C10orf67: variants seen among roughly 807,000 people sequenced by gnomAD.
C10orf67 encodes the protein uncharacterized protein C10orf67, mitochondrial.
A neutral mutation model predicts 35.6 loss-of-function variants in C10orf67; 60 were observed. The observed-to-expected ratio is 1.68, with a 90% CI of 1.37 to 2.09. The LOEUF (loss-of-function observed/expected upper bound fraction) is 2.09. Among genes scored for constraint, C10orf67 ranks in the 30% most tolerant of loss-of-function variants. C10orf67 has a pLI of 0.00. For missense variants in C10orf67, 474 were observed against 330.2 expected, an observed-to-expected ratio of 1.44 and a Z score of -3.38; for synonymous variants, 167 against 115.8, an observed-to-expected ratio of 1.44 and a Z score of -2.84.
rs1389804559 is a variant in C10orf67 at position 23,287,463 on chromosome 10, A to G, written c.909+2437T>C. On this transcript the variant is annotated intron_variant, in intron 7 of 15. Transcript: ENST00000636213. ...ACTGGACCCTTTCCTTACACCTTAT[A>G]CAAAAATTAACTCAAGATGAATTAA... Among the ~76,000 whole-genome samples the G allele has an allele frequency of 2.0e-5, 3 of 152,240 alleles. No homozygotes were observed. The East Asian group carries it at 5.8e-4, about 29-fold the overall frequency.
chr10:23,282,967 G>A (rs560522828), intron 7 of C10orf67, among the ~76,000 whole-genome samples: 127 of 151,890 alleles, frequency 8.4e-4, no homozygotes, highest in African/African-American at 3.0e-3. Flanking sequence ...AAAAAAAAAC[G>A]GCTAGGAAGA....
chr10:23,235,841 G>A (rs1432789543), intron 13 of C10orf67, among the ~76,000 whole-genome samples: 1 of 152,126 alleles, frequency 6.6e-6, no homozygotes, highest in East Asian at 1.9e-4. Context: ...TATTGGGTGG[G>A]CACTGTGGCT....
chr10:23,344,485 C>G (rs540034338), intron 1 of C10orf67, 84 bp downstream of exon 1: 1 of 1,277,248 alleles, frequency 7.8e-7, no homozygotes, highest in East Asian at 2.5e-5. Flanking sequence ...AAAGCTGCAC[C>G]CCCGTAAATA....
chr10:23,230,374 A>G (rs954575088), intron 13 of C10orf67, among the ~76,000 whole-genome samples: 1 of 152,190 alleles, frequency 6.6e-6, no homozygotes, highest in Admixed American at 6.5e-5. Context: ...ACCATAGAGA[A>G]TAATACATTT....
At chr10:23,272,937 T>A (rs972659956) in intron 8 of C10orf67, among the ~76,000 whole-genome samples, 4 of 152,248 alleles carry the variant, frequency 2.6e-5, no homozygotes, top group African/African-American at 9.6e-5. Flanking sequence ...AAGCACTTCA[T>A]ATTGTTTGAT....
chr10:23,318,304 C>T (rs1183746132), intron 4 of C10orf67: 1 of 152,288 alleles, frequency 6.6e-6, no homozygotes, highest in African/African-American at 2.4e-5. Flanking sequence ...ATATTTTTGA[C>T]TCCTGGGCTG....
intron 8 of C10orf67, among the ~76,000 whole-genome samples, chr10:23,273,733 CA>C (rs1843096481): frequency 6.6e-6 from 1 of 152,194 alleles, no homozygotes. Context: ...AGCTGGTCCA[CA>C]GTAATTTTGA....
At chr10:23,277,551 C>CAA (rs200341837) in intron 8 of C10orf67, among the ~76,000 whole-genome samples, 71 of 118,830 alleles carry the variant, frequency 6.0e-4, no homozygotes, top group South Asian at 1.0e-3. Flanking sequence ...TGACCAACTC[C>CAA]AAAAAAAAAA....
At chr10:23,253,896 T>C (rs1842532953) in intron 10 of C10orf67, among the ~76,000 whole-genome samples, 1 of 152,180 alleles carries the variant, frequency 6.6e-6, no homozygotes, top group Non-Finnish European at 1.5e-5. Flanking sequence ...AAGCATCACA[T>C]GTAGACTAGA....
intron 15 of C10orf67, among the ~76,000 whole-genome samples, chr10:23,204,911 G>C (rs902561102): frequency 6.6e-6 from 1 of 152,068 alleles, no homozygotes; most frequent in African/African-American, 2.4e-5. Flanking sequence ...GCTTTGAAGG[G>C]GAACAAAGGC....
chr10:23,233,949 T>A (rs1841975456), intron 13 of C10orf67, among the ~76,000 whole-genome samples: 1 of 152,206 alleles, frequency 6.6e-6, no homozygotes, highest in Admixed American at 6.5e-5. Context: ...ATATCACACA[T>A]GTCACCTATG....
chr10:23,221,933 G>A (rs1168491030), intron 15 of C10orf67, among the ~76,000 whole-genome samples: 1 of 152,140 alleles, frequency 6.6e-6, no homozygotes, highest in Non-Finnish European at 1.5e-5. Context: ...CTGTATCTGA[G>A]ATTGAATACG....
intron 5 of C10orf67, among the ~76,000 whole-genome samples, chr10:23,294,462 G>A (rs905688508): frequency 6.6e-6 from 1 of 152,060 alleles, no homozygotes; most frequent in African/African-American, 2.4e-5. Context: ...AAATTCTCAA[G>A]AGGATTAGCC....
chr10:23,322,415 T>G lies in C10orf67; in HGVS notation c.450A>C (p.Glu150Asp), dbSNP rs772369646. The part of the protein sequence containing the change: ...LFTILHDRIL[E>D]IEKHYQQNED... ...TTACCTGTTGATAATGCTTTTCAAT[T>G]TCTAGGATCCTGTCATGCAGAATGG... The change falls in exon 3 of 16, where the codon GAA (glutamate) becomes GAC (aspartate). Residue 150 changes from glutamate (E) to aspartate (D), a missense_variant. Physicochemically the swap from Glu to Asp is conservative, Grantham distance 45 (BLOSUM62 2). Coordinates refer to ENST00000636213, the MANE Select transcript of C10orf67 (RefSeq NM_001371909.1). 5 of 1,609,508 alleles carry G rather than the reference T, an allele frequency of 3.1e-6. No individual in the cohort carries two copies. Among genetic ancestry groups the G allele is most frequent in the Non-Finnish European group, 4.3e-6 (5 of 1,176,280 alleles).
chr10:23,244,809 A>C (rs1842274185), intron 12 of C10orf67, among the ~76,000 whole-genome samples: 1 of 152,238 alleles, frequency 6.6e-6, no homozygotes, highest in Admixed American at 6.5e-5. Flanking sequence ...AATTGCTACC[A>C]AAATTGCAAT....
At chr10:23,321,990 G>A (rs1844973426) in intron 3 of C10orf67, among the ~76,000 whole-genome samples, 1 of 152,116 alleles carries the variant, frequency 6.6e-6, no homozygotes, top group Non-Finnish European at 1.5e-5. Context: ...GTCTCACGAT[G>A]TTGCCCAAGC....
intron 2 of C10orf67, among the ~76,000 whole-genome samples, chr10:23,323,183 A>G (rs972489018): frequency 6.6e-6 from 1 of 152,206 alleles, no homozygotes; most frequent in South Asian, 2.1e-4. Context: ...AGTTCTCAAG[A>G]TGTGGATTTC....
intron 4 of C10orf67, among the ~76,000 whole-genome samples, chr10:23,314,365 T>C (rs1238110419): frequency 6.6e-6 from 1 of 152,040 alleles, no homozygotes; most frequent in East Asian, 1.9e-4. Context: ...CTCACACCTA[T>C]AATCCCAGCA....
intron 2 of C10orf67, among the ~76,000 whole-genome samples, chr10:23,332,358 C>T (rs141868306): frequency 6.4e-4 from 98 of 152,210 alleles, no homozygotes; most frequent in African/African-American, 2.2e-3. Flanking sequence ...TGATCTCCAA[C>T]GTACATGCAA....
Sources: allele counts gnomAD v4.1 joint callset (sites outside exome capture counted in the v4.1 genomes callset), GRCh38; gene constraint gnomAD v4.1.1; transcripts MANE v1.5; gene names NCBI Gene and HGNC (gene_info 2026-07-23, HGNC 2026-07-21).